KDM3B: variants seen among roughly 807,000 people sequenced by gnomAD.
KDM3B encodes lysine-specific demethylase 3B.
Under a neutral mutation model 170.0 loss-of-function variants are expected in KDM3B, and 10 were observed. The observed-to-expected ratio is 0.06, with a 90% confidence interval of 0.04 to 0.10. The LOEUF is 0.10. Ranked by LOEUF, KDM3B falls within the 10% of genes least tolerant of loss-of-function variation. The probability of loss-of-function intolerance (pLI) is 1.00; values close to 1 mark genes in which losing one functional copy is unlikely to be tolerated. For missense variants in KDM3B, 1,394 were observed against 2,195.2 expected (o/e 0.64, Z 7.29); for synonymous variants, 831 against 834.8 (o/e 1.00, Z 0.08).
intron 12 of KDM3B, among the ~76,000 whole-genome samples, chr5:138,416,847 G>A (rs1012517442): frequency 2.0e-5 from 3 of 152,052 alleles, no homozygotes; most frequent in Non-Finnish European, 4.4e-5. Context: ...TTGGGACGGA[G>A]TCTCACCCTG....
Position 138,435,807 on chromosome 5 carries a change from A to T in KDM3B, c.*107A>T. Reference sequence around the variant, plus strand: ...GAGCAGAGGCCCTTCACCCAGAGCCAGTGTGGTCAGTATTCCAAACTCTCC... The same window carrying T: ...GAGCAGAGGCCCTTCACCCAGAGCCTGTGTGGTCAGTATTCCAAACTCTCC... On this transcript the variant is annotated 3_prime_UTR_variant, in exon 24 of 24. Coordinates refer to ENST00000314358, the MANE Select transcript of KDM3B (RefSeq NM_016604.4). 2 of 826,298 alleles carry T rather than the reference A, an allele frequency of 2.4e-6. 1 individual carries two copies. Among genetic ancestry groups the T allele is most frequent in the South Asian group, 3.0e-5 (2 of 66,180 alleles). The allele number at this position is 826,298 out of a possible 1,614,324, so 51.2% of individuals were successfully genotyped here.
intron 19 of KDM3B, among the ~76,000 whole-genome samples, chr5:138,427,571 G>A (rs1763429137): frequency 6.6e-6 from 1 of 152,166 alleles, no homozygotes; most frequent in South Asian, 2.1e-4. Context: ...CTCTACCCAA[G>A]GAGCCATATT....
chr5:138,413,438 G>C (rs1763025466), intron 11 of KDM3B, among the ~76,000 whole-genome samples: 1 of 151,796 alleles, frequency 6.6e-6, no homozygotes, highest in African/African-American at 2.4e-5. Flanking sequence ...TGTAGAAGTA[G>C]ACCTCTTAAA....
intron 1 of KDM3B, among the ~76,000 whole-genome samples, chr5:138,353,797 T>A (rs1324222328): frequency 1.3e-5 from 2 of 152,212 alleles, no homozygotes; most frequent in Non-Finnish European, 2.9e-5. Context: ...TGATTAAAGT[T>A]GTTCAGTCAT....
chr5:138,427,416 T>A, intron 19 of KDM3B, 97 bp downstream of exon 19: 1 of 1,378,132 alleles, frequency 7.3e-7, no homozygotes, highest in Non-Finnish European at 1.0e-6. Flanking sequence ...ATAGAGATGA[T>A]TGCAGGCAAG....
chr5:138,352,843 G>C lies in KDM3B; in HGVS notation c.48G>C (p.Leu16=). 1 of 1,369,440 alleles carries C rather than the reference G, an allele frequency of 7.3e-7. No individual in the cohort carries two copies. The highest frequency in any genetic ancestry group is 9.5e-7 in the Non-Finnish European group (1 of 1,058,084). 84.8% of individuals were successfully genotyped at this position (1,369,440 alleles called of 1,614,324 possible). The change falls in exon 1 of 24, where the codon CTG becomes CTC. Residue 16 remains leucine, a synonymous_variant. Transcript: ENST00000314358. ...CGGTGGGCAAGCGGCTGCTGCTGCT[G>C]TTCGCGGACACTGCGGCCTCAGCCT... ...ASPVGKRLLL[L]FADTAASASA... is the part of the protein sequence containing the mutation.
In KDM3B at chr5:138,415,148, T is replaced by A. The variant is rs766192687; in HGVS notation, c.3216T>A (p.Gly1072=). The A allele has an allele frequency of 7.5e-6, 12 of 1,601,376 alleles. No individual in the cohort carries two copies. Among genetic ancestry groups the A allele is most frequent in the Non-Finnish European group, 1.0e-5 (12 of 1,170,834 alleles). Residue 1072 remains glycine, a synonymous_variant, in exon 12 of 24, where the codon GGT becomes GGA. Transcript: ENST00000314358. The part of the protein sequence containing the change: ...SRPRSETEEM[G]DEEVFSWLKC... ...CTATTTCAGAGACAGAAGAGATGGG[T>A]GATGAAGAAGTTTTCTCCTGGTTGA...
At chr5:138,372,014 G>A (rs1761885955) in intron 1 of KDM3B, among the ~76,000 whole-genome samples, 1 of 152,066 alleles carries the variant, frequency 6.6e-6, no homozygotes, top group South Asian at 2.1e-4. Context: ...TTGGGAGACT[G>A]AGGCAGGAGG....
chr5:138,379,215 G>A (rs1384360860), intron 4 of KDM3B, among the ~76,000 whole-genome samples: 1 of 152,060 alleles, frequency 6.6e-6, no homozygotes, highest in Non-Finnish European at 1.5e-5. Flanking sequence ...TGTACATGTA[G>A]TTAGATACAT....
Position 138,396,188 on chromosome 5 carries a change from C to T in KDM3B, c.2832-1990C>T, listed in dbSNP as rs372677141. Among the ~76,000 whole-genome samples the T allele has an allele frequency of 4.2e-4, 63 of 151,498 alleles. No homozygotes were observed. In the East Asian group the frequency reaches 0.012, roughly 28 times the overall value. ...TTGGCTCACTGCAATCTCCGCCTCC[C>T]GGGTTCACGCCATTCTCCTGCCTCA... On this transcript the variant is annotated intron_variant, in intron 9 of 23. Transcript: ENST00000314358.
intron 6 of KDM3B, among the ~76,000 whole-genome samples, chr5:138,382,579 C>T (rs1054803997): frequency 2.0e-5 from 3 of 152,166 alleles, no homozygotes; most frequent in Admixed American, 6.5e-5. Context: ...ATATTGCTGT[C>T]GTTGCCACTC....
intron 23 of KDM3B, among the ~76,000 whole-genome samples, chr5:138,434,623 C>T (rs1461409426): frequency 6.6e-6 from 1 of 151,918 alleles, no homozygotes; most frequent in Non-Finnish European, 1.5e-5. Context: ...ACCAGTCCCA[C>T]TTTCACTACT....
At chr5:138,431,273 A>T in intron 22 of KDM3B, 152 bp from the exon 23 acceptor site, 1 of 614,814 alleles carries the variant, frequency 1.6e-6, no homozygotes, top group Non-Finnish European at 2.6e-6. Flanking sequence ...TTTTATTTAT[A>T]CATTTGCACT....
At chr5:138,427,698 C>G (rs186554274) in intron 19 of KDM3B, among the ~76,000 whole-genome samples, 21 of 152,306 alleles carry the variant, frequency 1.4e-4, no homozygotes, top group Middle Eastern at 3.4e-3. Context: ...TCAGCTTTAT[C>G]TGAATACGCC....
rs201341866 is a variant in KDM3B, at chr5:138,435,607, A to T, written c.5206-13A>T. Reference sequence around the variant, plus strand: ...GGCTGCTGTGAACTGACTTTGCTGTACACCTTCTCTAGGTGAAGAACATCA... The same window carrying T: ...GGCTGCTGTGAACTGACTTTGCTGTTCACCTTCTCTAGGTGAAGAACATCA... On this transcript the variant is annotated splice_polypyrimidine_tract_variant and intron_variant, in intron 23 of 23. Transcript: ENST00000314358. The T allele has an allele frequency of 1.2e-6, 2 of 1,610,360 alleles. No individual in the cohort carries two copies. The highest frequency in any genetic ancestry group is 1.3e-5 in the African/African-American group (1 of 74,974).
intron 1 of KDM3B, among the ~76,000 whole-genome samples, chr5:138,356,771 T>C (rs1409289474): frequency 6.6e-6 from 1 of 150,792 alleles, no homozygotes; most frequent in Non-Finnish European, 1.5e-5. Flanking sequence ...GCCTCCCGAG[T>C]AGTTGGGACT....
At chr5:138,412,213 G>A (rs1245683873) in intron 11 of KDM3B, among the ~76,000 whole-genome samples, 1 of 151,556 alleles carries the variant, frequency 6.6e-6, no homozygotes, top group Non-Finnish European at 1.5e-5. Flanking sequence ...GCGGGCACCT[G>A]TAATCCCAGC....
At chr5:138,425,381 G>A (rs183944085) in intron 16 of KDM3B, 30 bp from the exon 17 acceptor site, 1 of 1,607,290 alleles carries the variant, frequency 6.2e-7, no homozygotes, top group East Asian at 2.2e-5. Flanking sequence ...TTCCTAGATT[G>A]CTCTGATTGG....
chr5:138,357,274 C>T (rs1241476158), intron 1 of KDM3B, among the ~76,000 whole-genome samples: 2 of 152,084 alleles, frequency 1.3e-5, no homozygotes, highest in East Asian at 3.9e-4. Context: ...ACATGAGCCA[C>T]TGTGCCTGGC....
Sources: gnomAD v4.1 joint callset for allele counts (sites outside exome capture counted in the v4.1 genomes callset) on GRCh38, gnomAD v4.1.1 for gene constraint, MANE v1.5 for transcripts, NCBI Gene and HGNC (gene_info 2026-07-23, HGNC 2026-07-21) for gene names.